Variants in DMD observed in about 807,000 individuals in gnomAD.
DMD encodes mutant dystrophin.
A neutral mutation model predicts 330.1 loss-of-function variants in DMD; 63 were observed. That is an observed-to-expected ratio of 0.19 (90% CI 0.16 to 0.24). The LOEUF (loss-of-function observed/expected upper bound fraction) is 0.24. Ranked by LOEUF, DMD falls within the 10% of genes least tolerant of loss-of-function variation. The pLI, the probability that DMD is intolerant of heterozygous loss-of-function variation, is 1.00. For missense variants in DMD, 3,344 were observed against 2,684.1 expected (o/e 1.25, Z -5.43); for synonymous variants, 1,223 against 959.8 (o/e 1.27, Z -5.07).
intron 48 of DMD, among the ~76,000 whole-genome samples, chrX:31,865,605 A>C (rs1193929345): frequency 1.1e-5 from 1 of 90,841 alleles, no homozygotes. Context: ...GTGAATGTTG[A>C]GTACACTCCT....
At chrX:32,254,838 CTG>C (rs1642580743) in intron 43 of DMD, among the ~76,000 whole-genome samples, 1 of 111,916 alleles carries the variant, frequency 8.9e-6, no homozygotes, top group African/African-American at 3.3e-5. Flanking sequence ...TCTTTTTTAA[CTG>C]TGGGAAAATA....
chrX:32,466,342 C>T (rs1424959472), intron 23 of DMD, among the ~76,000 whole-genome samples: 1 of 111,514 alleles, frequency 9.0e-6, no homozygotes, highest in African/African-American at 3.3e-5. Context: ...CAGAGACAAC[C>T]TATGTTCCGA....
In DMD at chrX:31,412,186, C is replaced by CAAAAA. The variant is rs764012481; in HGVS notation, c.9084+32290_9084+32294dup. Among the ~76,000 whole-genome samples the CAAAAA allele has an allele frequency of 8.2e-3, 360 of 43,777 alleles. 9 individuals are homozygous for CAAAAA. Among genetic ancestry groups the CAAAAA allele is most frequent in the African/African-American group, 0.031 (344 of 11,026 alleles). The allele number at this position is 43,777 out of a possible 115,157, so 38.0% of individuals were successfully genotyped here. ...GGGTGACAGAGCGAGACTCTTGTCTCAAAAAAAAAAAAAAAAAAAAAGAGA... is the reference window on the plus strand; with the variant it reads ...GGGTGACAGAGCGAGACTCTTGTCTCAAAAAAAAAAAAAAAAAAAAAAAAAAGAGA... On this transcript the variant is annotated intron_variant, in intron 60 of 78. Coordinates refer to ENST00000357033, the MANE Select transcript of DMD (RefSeq NM_004006.3).
intron 5 of DMD, among the ~76,000 whole-genome samples, chrX:32,822,024 G>C (rs1420360900): frequency 4.5e-5 from 5 of 111,398 alleles, no homozygotes; most frequent in Non-Finnish European, 9.4e-5. Context: ...CTTAGAATGA[G>C]TACATTGATG....
At chrX:31,469,824 G>A (rs866445143) in intron 59 of DMD, among the ~76,000 whole-genome samples, 3 of 111,645 alleles carry the variant, frequency 2.7e-5, no homozygotes, top group African/African-American at 9.8e-5. Context: ...TGTAGGTTTG[G>A]TCTTTTCACA....
intron 11 of DMD, among the ~76,000 whole-genome samples, chrX:32,633,458 A>G (rs1023485051): frequency 1.8e-5 from 2 of 111,863 alleles, no homozygotes; most frequent in Non-Finnish European, 3.8e-5. Context: ...AGTCTCTAAG[A>G]CATTCCAAAT....
chrX:32,211,784 G>A (rs6631516), intron 44 of DMD, among the ~76,000 whole-genome samples: 14,987 of 111,041 alleles, frequency 0.13, 1,108 homozygotes, highest in East Asian at 0.41. Flanking sequence ...TTTTTAATAT[G>A]GTTCATTCAG....
intron 53 of DMD, among the ~76,000 whole-genome samples, chrX:31,678,426 T>A (rs1005274356): frequency 1.1e-4 from 12 of 112,274 alleles, no homozygotes; most frequent in Non-Finnish European, 1.9e-4. Context: ...TAAGGGCTTT[T>A]CAAACTGACT....
At chrX:32,083,634 G>A (rs749495076) in intron 44 of DMD, among the ~76,000 whole-genome samples, 1 of 112,553 alleles carries the variant, frequency 8.9e-6, no homozygotes, top group African/African-American at 3.2e-5. Flanking sequence ...CCACTTCATG[G>A]ATTGAGGTAG....
At chrX:33,182,667 A>G (rs1462460982) in intron 1 of DMD, among the ~76,000 whole-genome samples, 2 of 112,142 alleles carry the variant, frequency 1.8e-5, no homozygotes, top group Admixed American at 1.9e-4. Context: ...AAGAGTAGAA[A>G]AAAAACTCCA....
At chrX:32,319,495 T>A (rs1334417358) in intron 41 of DMD, among the ~76,000 whole-genome samples, 1 of 111,893 alleles carries the variant, frequency 8.9e-6, no homozygotes, top group South Asian at 3.6e-4. Flanking sequence ...TTGCTGGGAT[T>A]TACATTTATA....
chrX:32,111,514 T>C (rs1188564355), intron 44 of DMD, among the ~76,000 whole-genome samples: 2 of 112,296 alleles, frequency 1.8e-5, no homozygotes, highest in African/African-American at 6.5e-5. Context: ...GGCTAGCTGA[T>C]AGCTGCATAG....
intron 2 of DMD, among the ~76,000 whole-genome samples, chrX:32,852,360 G>A (rs2081207934): frequency 9.0e-6 from 1 of 111,504 alleles, no homozygotes; most frequent in African/African-American, 3.3e-5. Flanking sequence ...TGACTAAAGA[G>A]TCCCTGGGTC....
chrX:31,303,338 T>C (rs2054797021), intron 62 of DMD, among the ~76,000 whole-genome samples: 1 of 111,153 alleles, frequency 9.0e-6, no homozygotes. Flanking sequence ...TCTGTCTATT[T>C]ACAGTGCTTT....
At chrX:31,904,035 T>C (rs1046683253) in intron 47 of DMD, among the ~76,000 whole-genome samples, 3 of 111,585 alleles carry the variant, frequency 2.7e-5, no homozygotes, top group African/African-American at 9.7e-5. Flanking sequence ...ACTAAATACA[T>C]ATGAATCATC....
intron 1 of DMD, among the ~76,000 whole-genome samples, chrX:33,338,461 A>AAATAAATAAAT (rs1350853674): frequency 2.8e-4 from 13 of 46,675 alleles, no homozygotes; most frequent in Admixed American, 2.2e-3. Context: ...TTAAAGGGCA[A>AAATAAATAAAT]AATAAATAAA....
chrX:31,690,111 G>T (rs1266402860), intron 52 of DMD, among the ~76,000 whole-genome samples: 10 of 111,664 alleles, frequency 9.0e-5, no homozygotes, highest in African/African-American at 2.6e-4. Context: ...AAGCCAAAAC[G>T]GACAAATGGG....
chrX:31,423,603 A>G (rs1050919077), intron 60 of DMD, among the ~76,000 whole-genome samples: 4 of 112,062 alleles, frequency 3.6e-5, no homozygotes, highest in African/African-American at 1.3e-4. Flanking sequence ...CAATTAAGGG[A>G]TTGTTAATTG....
At chrX:32,376,741 G>C (rs2097904698) in intron 34 of DMD, among the ~76,000 whole-genome samples, 1 of 109,276 alleles carries the variant, frequency 9.2e-6, no homozygotes, top group Admixed American at 9.9e-5. Context: ...AAAAACTTAA[G>C]TGTTAGATCA....
Sources: allele counts gnomAD v4.1 joint callset (sites outside exome capture counted in the v4.1 genomes callset), GRCh38; gene constraint gnomAD v4.1.1; transcripts MANE v1.5; gene names NCBI Gene and HGNC (gene_info 2026-07-23, HGNC 2026-07-21).